MEIOB: variants seen among roughly 807,000 people sequenced by gnomAD.
The protein encoded by MEIOB is meiosis specific with OB-fold, also known as meiosis-specific with OB domain-containing protein.
Under a neutral mutation model 53.1 loss-of-function variants are expected in MEIOB, and 50 were observed. That is an observed-to-expected ratio of 0.94 (90% CI 0.75 to 1.19). The LOEUF (loss-of-function observed/expected upper bound fraction) is 1.19, where lower values mean the gene tolerates loss of function less well. Among genes scored for constraint, MEIOB ranks in the 50% most tolerant of loss-of-function variants. The pLI, the probability that MEIOB is intolerant of heterozygous loss-of-function variation, is 0.00. For missense variants in MEIOB, 551 were observed against 550.8 expected (o/e 1.00, Z 0.00); for synonymous variants, 192 against 182.5 (o/e 1.05, Z -0.42).
At chr16:1,847,154 C>CA (rs560614691) in intron 9 of MEIOB, among the ~76,000 whole-genome samples, 72 of 151,504 alleles carry the variant, frequency 4.8e-4, no homozygotes, top group Admixed American at 1.2e-3. Flanking sequence ...GACTCCATTT[C>CA]AAAAAAAGAG....
rs567910327 is a variant in MEIOB at position 1,835,816 on chromosome 16, CA to C, written c.1306-1451del. Among the ~76,000 whole-genome samples the C allele has an allele frequency of 4.6e-5, 7 of 152,140 alleles. No homozygotes were observed. The South Asian group carries it at 1.0e-3, about 23-fold the overall frequency. ...TTCATCTACAAGCAAACCCATTCAG[CA>C]TTTTGCATTGCCTGCCTATGTATCT... is the stretch of plus-strand genomic sequence containing the variant. On this transcript the variant is annotated intron_variant, in intron 13 of 13. Coordinates refer to ENST00000325962, the MANE Select transcript of MEIOB (RefSeq NM_001163560.3).
At chr16:1,871,358 T>C (rs1397017798) in intron 1 of MEIOB, among the ~76,000 whole-genome samples, 5 of 93,222 alleles carry the variant, frequency 5.4e-5, no homozygotes. Context: ...TAGCTGGGAC[T>C]ACAGGCACTC....
Position 1,837,778 on chromosome 16 carries a change from A to C in MEIOB, c.1305+6T>G. ...AGAATAATATGGGACTATAAAATGC[A>C]CTAACTTTTAAATAAATTTTGCTTC... On this transcript the variant is annotated splice_donor_region_variant and intron_variant, in intron 13 of 13. Transcript: ENST00000325962. 7.0e-7 allele frequency: 1 copy of C among 1,421,362 alleles called. No homozygotes were observed. The highest frequency in any genetic ancestry group is 9.6e-7 in the Non-Finnish European group (1 of 1,039,342). The allele number at this position is 1,421,362 out of a possible 1,614,324, so 88.0% of individuals were successfully genotyped here.
intron 1 of MEIOB, among the ~76,000 whole-genome samples, chr16:1,870,441 A>G (rs2150827319): frequency 6.6e-6 from 1 of 152,316 alleles, no homozygotes; most frequent in South Asian, 2.1e-4. Context: ...CAGTTCAAGG[A>G]CGTGTCTCAT....
intron 9 of MEIOB, among the ~76,000 whole-genome samples, chr16:1,850,764 AC>A: frequency 6.6e-6 from 1 of 151,604 alleles, no homozygotes; most frequent in Non-Finnish European, 1.5e-5. Context: ...AATAAAAAAT[AC>A]AAAAAATTAG....
At chr16:1,853,567 A>C in intron 7 of MEIOB, among the ~76,000 whole-genome samples, 1 of 152,220 alleles carries the variant, frequency 6.6e-6, no homozygotes, top group Non-Finnish European at 1.5e-5. Flanking sequence ...AAGCCTGAAG[A>C]CTTTAAACTC....
chr16:1,853,078 C>T lies in MEIOB; in HGVS notation c.739G>A (p.Ala247Thr), dbSNP rs778543387. 2 of 1,612,728 alleles carry T rather than the reference C, an allele frequency of 1.2e-6. No individual in the cohort carries two copies. Among genetic ancestry groups the T allele is most frequent in the Non-Finnish European group, 1.7e-6 (2 of 1,179,060 alleles). Residue 247 changes from alanine (A) to threonine (T), a missense_variant, in exon 9 of 14, where the codon GCA becomes ACA. Physicochemically the swap from Ala to Thr is moderately conservative, Grantham distance 58 (BLOSUM62 0). Transcript: ENST00000325962. ...ATAATGGTTTTTGAGATTACAGTTG[C>T]TGTCATGCAGTTCCGAAATTTGTCA... ...NFDKFRNCMT[A>T]TVISKTIITT...
At chr16:1,853,379 A>AC in intron 7 of MEIOB, 108 bp from the exon 8 acceptor site, 3 of 883,168 alleles carry the variant, frequency 3.4e-6, no homozygotes, top group Non-Finnish European at 5.3e-6. Flanking sequence ...GGGGTCAGCC[A>AC]TCCCCAAGGT....
intron 9 of MEIOB, among the ~76,000 whole-genome samples, chr16:1,845,969 G>T (rs1436504806): frequency 6.6e-6 from 1 of 152,146 alleles, no homozygotes; most frequent in South Asian, 2.1e-4. Flanking sequence ...CTTGCTCCCA[G>T]AATACAAGTC....
intron 5 of MEIOB, among the ~76,000 whole-genome samples, chr16:1,859,340 G>A (rs886979341): frequency 3.9e-5 from 6 of 152,150 alleles, no homozygotes; most frequent in Admixed American, 1.3e-4. Flanking sequence ...TCAGGAGTTC[G>A]ACACCAGCCT....
chr16:1,839,404 T>G lies in MEIOB; in HGVS notation c.1069A>C (p.Asn357His). 5.0e-6 allele frequency: 8 copies of G among 1,613,174 alleles called. No individual in the cohort carries two copies. The highest frequency in any genetic ancestry group is 5.9e-6 in the Non-Finnish European group (7 of 1,179,748). ...TTTTTGTTGCAAGTTGTGCACATGTTAGATGCTTCATTTACAATATAACCA... is the reference window on the plus strand; with the variant it reads ...TTTTTGTTGCAAGTTGTGCACATGTGAGATGCTTCATTTACAATATAACCA... Reference protein sequence around the residue: ...SCGYIVNEASNMCTTCNKNSL... With the variant: ...SCGYIVNEASHMCTTCNKNSL... Residue 357 changes from asparagine (N) to histidine (H), a missense_variant, in exon 12 of 14, where the codon AAC becomes CAC. Physicochemically the swap from Asn to His is moderately conservative, Grantham distance 68. Coordinates refer to ENST00000325962, the MANE Select transcript of MEIOB (RefSeq NM_001163560.3).
chr16:1,834,053 C>T lies in MEIOB; in HGVS notation c.*203G>A, dbSNP rs1488354047. 2.0e-5 allele frequency: 9 copies of T among 458,288 alleles called. No individual in the cohort carries two copies. The East Asian group carries it at 2.2e-4, about 11-fold the overall frequency. The allele number at this position is 458,288 out of a possible 1,614,324, so 28.4% of individuals were successfully genotyped here. On this transcript the variant is annotated 3_prime_UTR_variant, in exon 14 of 14. Coordinates refer to ENST00000325962, the MANE Select transcript of MEIOB (RefSeq NM_001163560.3). Reference sequence around the variant, plus strand: ...AACTTGGGAGGAGACAAGGCAAAGACAGTAGGAGGCCTTCTAAGAAGGGAG... The same window carrying T: ...AACTTGGGAGGAGACAAGGCAAAGATAGTAGGAGGCCTTCTAAGAAGGGAG...
chr16:1,853,313 A>G lies in MEIOB; in HGVS notation c.630-42T>C, dbSNP rs761897056. On this transcript the variant is annotated intron_variant, in intron 7 of 13. Coordinates refer to ENST00000325962, the MANE Select transcript of MEIOB (RefSeq NM_001163560.3). ...AGAAGTAATACAAATTGAATACACTAGAAAAAACTGATAGTGACATATTAT... is the reference window on the plus strand; with the variant it reads ...AGAAGTAATACAAATTGAATACACTGGAAAAAACTGATAGTGACATATTAT... The G allele has an allele frequency of 2.2e-6, 3 of 1,374,690 alleles. No individual in the cohort carries two copies. In the South Asian group the frequency reaches 3.8e-5, roughly 17 times the overall value. The allele number at this position is 1,374,690 out of a possible 1,614,324, so 85.2% of individuals were successfully genotyped here.
At position 1,844,870 on chromosome 16, in the gene MEIOB, G is replaced by A. The variant is rs1394122414; in HGVS notation, c.872C>T (p.Ser291Phe). ...TTTAAACGGTCACTTACAATTTATG[G>A]ATTCTTTGAAATAACTGTCAATTTC... ...DDEIDSYFKE[S>F]INLSTIVDVY... The change falls in exon 10 of 14, where the codon TCC becomes TTC. Residue 291 changes from serine (S) to phenylalanine (F), a missense_variant. By Grantham distance (155) the Ser-to-Phe change is radical. Transcript: ENST00000325962. The A allele has an allele frequency of 5.3e-6, 8 of 1,519,052 alleles. No individual in the cohort carries two copies. The highest frequency in any genetic ancestry group is 6.3e-6 in the Non-Finnish European group (7 of 1,103,664). The allele number at this position is 1,519,052 out of a possible 1,614,324, so 94.1% of individuals were successfully genotyped here. A position where few individuals can be genotyped will look rare whatever the true frequency, so the allele number is the denominator to read the frequency against.
chr16:1,836,303 T>C (rs992381110), intron 13 of MEIOB, among the ~76,000 whole-genome samples: 17 of 152,242 alleles, frequency 1.1e-4, no homozygotes, highest in Non-Finnish European at 2.5e-4. Context: ...GGAACATCTG[T>C]TACACACATT....
intron 5 of MEIOB, among the ~76,000 whole-genome samples, chr16:1,859,308 G>C (rs1164120730): frequency 6.6e-6 from 1 of 152,142 alleles, no homozygotes; most frequent in Admixed American, 6.6e-5. Flanking sequence ...TTGGGAGGCC[G>C]AGGCGGGCGG....
intron 4 of MEIOB, 55 bp from the exon 5 acceptor site, chr16:1,860,530 T>A: frequency 4.1e-6 from 4 of 977,972 alleles, no homozygotes; most frequent in Non-Finnish European, 6.3e-6. Flanking sequence ...AGATAAACAC[T>A]AACATCCTAA....
At position 1,853,245 on chromosome 16, in the gene MEIOB, G is replaced by T; in HGVS notation, c.656C>A (p.Ala219Glu). The change falls in exon 8 of 14, where the codon GCA becomes GAA. Residue 219 changes from alanine to glutamate, a missense_variant. Transcript: ENST00000325962. The part of the protein sequence containing the change: ...TCWDNESILL[A>E]QSWMPRETVI... The stretch of plus-strand genomic sequence containing the variant: ...TGTTTCTCGTGGCATCCAGCTCTGT[G>T]CAAGTAGAATGGATTCATTATCCCA... The T allele has an allele frequency of 6.4e-7, 1 of 1,551,096 alleles. No individual in the cohort carries two copies. Among genetic ancestry groups the T allele is most frequent in the Non-Finnish European group, 8.7e-7 (1 of 1,145,934 alleles).
At position 1,865,468 on chromosome 16, in the gene MEIOB, CAT is replaced by C. The variant is rs1298156772; in HGVS notation, c.127+308_127+309del. Among the ~76,000 whole-genome samples the C allele has an allele frequency of 7.4e-3, 625 of 84,598 alleles. 4 individuals carry two copies. The highest frequency in any genetic ancestry group is 0.027 in the African/African-American group (598 of 21,772). 55.5% of individuals were successfully genotyped at this position (84,598 alleles called of 152,430 possible). On this transcript the variant is annotated intron_variant, in intron 3 of 13. Coordinates refer to ENST00000325962, the MANE Select transcript of MEIOB (RefSeq NM_001163560.3). ...GAGAGAACACATGTACTCAAATATA[CAT>C]ATATACACACACGTGTACACACATA...
Sources: allele counts gnomAD v4.1 joint callset (sites outside exome capture counted in the v4.1 genomes callset), GRCh38; gene constraint gnomAD v4.1.1; transcripts MANE v1.5; gene names NCBI Gene and HGNC (gene_info 2026-07-23, HGNC 2026-07-21).